STK17B: variants seen among roughly 807,000 people sequenced by gnomAD.
STK17B encodes serine/threonine kinase 17b.
In STK17B, 21 loss-of-function variants were observed where a neutral mutation model predicts 42.0. The observed-to-expected ratio is 0.50, with a 90% CI of 0.35 to 0.72. STK17B has a LOEUF of 0.72. Ranked by LOEUF, STK17B falls within the 30% of genes least tolerant of loss-of-function variation. STK17B has a pLI of 0.00. For synonymous variants in STK17B, 143 were observed against 148.4 expected, an observed-to-expected ratio of 0.96 and a Z score of 0.26; for missense variants, 349 against 446.0, an observed-to-expected ratio of 0.78 and a Z score of 1.96.
intron 1 of STK17B, among the ~76,000 whole-genome samples, 176 bp downstream of exon 1, chr2:196,171,157 G>A (rs952528353): frequency 6.6e-5 from 10 of 152,370 alleles, no homozygotes; most frequent in East Asian, 5.8e-4. Context: ...GCAAAGCGGA[G>A]AGGCGCCAGC....
chr2:196,146,534 A>G (rs1699578679), intron 3 of STK17B, among the ~76,000 whole-genome samples: 1 of 152,038 alleles, frequency 6.6e-6, no homozygotes, highest in Non-Finnish European at 1.5e-5. Flanking sequence ...ATAAGTGATG[A>G]GACTATTTCA....
rs1699370681 is a variant in STK17B at position 196,134,646 on chromosome 2, A to G, written c.*2801T>C. ...TTCACTGCTCAGAGCTAGGTTCTTT[A>G]CTGTAGGGAAAATAATTAAAATGAC... On this transcript the variant is annotated 3_prime_UTR_variant, in exon 8 of 8. Transcript: ENST00000263955. 6.6e-6 allele frequency: 1 copy of G among 152,182 alleles called. No homozygotes were observed. The highest frequency in any genetic ancestry group is 1.5e-5 in the Non-Finnish European group (1 of 68,028). 9.4% of individuals were successfully genotyped at this position (152,182 alleles called of 1,614,324 possible). A position where few individuals can be genotyped will look rare whatever the true frequency, so the allele number is the denominator to read the frequency against.
At chr2:196,147,162 T>C (rs1046545969) in intron 3 of STK17B, among the ~76,000 whole-genome samples, 3 of 152,210 alleles carry the variant, frequency 2.0e-5, no homozygotes, top group African/African-American at 7.2e-5. Context: ...AAAACATTTA[T>C]ACAGTTATTC....
At chr2:196,169,329 T>A (rs1294958585) in intron 1 of STK17B, among the ~76,000 whole-genome samples, 1 of 152,126 alleles carries the variant, frequency 6.6e-6, no homozygotes, top group Non-Finnish European at 1.5e-5. Flanking sequence ...CCTCCCAAAG[T>A]GCTGGGATTA....
Position 196,136,468 on chromosome 2 carries a change from G to A in STK17B, c.*979C>T, listed in dbSNP as rs1699407349. 1 of 152,556 alleles carries A rather than the reference G, an allele frequency of 6.6e-6. No homozygotes were observed. The allele number at this position is 152,556 out of a possible 1,614,324, so 9.5% of individuals were successfully genotyped here. A position where few individuals can be genotyped will look rare whatever the true frequency, so the allele number is the denominator to read the frequency against. ...TTGCTACCGCTGACTCGGGCACTGT[G>A]TTAATAGACCTACCGGTGCTGTAAT... On this transcript the variant is annotated 3_prime_UTR_variant, in exon 8 of 8. Coordinates refer to ENST00000263955, the MANE Select transcript of STK17B (RefSeq NM_004226.4).
At chr2:196,139,086 C>T (rs775565349) in intron 7 of STK17B, among the ~76,000 whole-genome samples, 12 of 152,132 alleles carry the variant, frequency 7.9e-5, no homozygotes, top group Non-Finnish European at 1.6e-4. Flanking sequence ...GCCTCAGCCT[C>T]CCAAGTAGCT....
intron 1 of STK17B, among the ~76,000 whole-genome samples, chr2:196,167,410 T>C (rs915164072): frequency 6.6e-6 from 1 of 152,232 alleles, no homozygotes; most frequent in African/African-American, 2.4e-5. Flanking sequence ...AAAGAATTTG[T>C]AGGTATATCT....
chr2:196,151,012 T>TGA (rs1165539820), intron 3 of STK17B, among the ~76,000 whole-genome samples: 1 of 152,230 alleles, frequency 6.6e-6, no homozygotes, highest in Non-Finnish European at 1.5e-5. Context: ...ATTTCTCTGG[T>TGA]GATTGAGATC....
chr2:196,141,848 T>C (rs1019253192), intron 5 of STK17B, among the ~76,000 whole-genome samples: 3 of 152,102 alleles, frequency 2.0e-5, no homozygotes, highest in African/African-American at 4.8e-5. Context: ...AGTGGCTAGG[T>C]AGTTAAACTC....
chr2:196,171,731 C>A (rs1054634759), upstream of STK17B, among the ~76,000 whole-genome samples: 9 of 144,154 alleles, frequency 6.2e-5, no homozygotes, highest in Non-Finnish European at 1.2e-4. Context: ...CGGGGCCCGG[C>A]GGTGAGAGGG....
chr2:196,157,621 T>C (rs770353147), intron 2 of STK17B, among the ~76,000 whole-genome samples: 11 of 152,212 alleles, frequency 7.2e-5, no homozygotes, highest in African/African-American at 1.2e-4. Context: ...TATTCAAAGA[T>C]ACTTCATGAT....
At chr2:196,155,359 C>G (rs182401784) in intron 3 of STK17B, among the ~76,000 whole-genome samples, 4 of 152,236 alleles carry the variant, frequency 2.6e-5, no homozygotes, top group African/African-American at 9.6e-5. Context: ...ACATAGTATT[C>G]ATTCTTAAAT....
intron 3 of STK17B, among the ~76,000 whole-genome samples, chr2:196,152,309 C>T (rs1476283837): frequency 1.3e-5 from 2 of 151,892 alleles, no homozygotes; most frequent in African/African-American, 4.8e-5. Context: ...GGGTTTCACC[C>T]TGTTAGCCAG....
At chr2:196,169,438 G>A (rs1224423280) in intron 1 of STK17B, among the ~76,000 whole-genome samples, 2 of 152,044 alleles carry the variant, frequency 1.3e-5, no homozygotes, top group African/African-American at 4.8e-5. Flanking sequence ...GCAATTTTAA[G>A]GCAATTTAAC....
At chr2:196,156,728 C>T (rs1699744890) in intron 2 of STK17B, 77 bp from the exon 3 acceptor site, 3 of 1,092,866 alleles carry the variant, frequency 2.7e-6, no homozygotes, top group Admixed American at 2.4e-5. Flanking sequence ...TCTGTTATAC[C>T]TCCAACTTAA....
intron 1 of STK17B, 100 bp downstream of exon 1, chr2:196,171,233 C>A (rs1699938603): frequency 6.6e-6 from 1 of 152,282 alleles, no homozygotes; most frequent in Non-Finnish European, 1.5e-5. Context: ...CCGCCTAAAC[C>A]CTCCTCGGGT....
At chr2:196,141,324 C>A in intron 5 of STK17B, 27 bp from the exon 6 acceptor site, 1 of 1,557,690 alleles carries the variant, frequency 6.4e-7, no homozygotes, top group South Asian at 1.1e-5. Context: ...AACTTAAATT[C>A]AATATTGACA....
At chr2:196,142,757 T>A (rs1055460830) in intron 5 of STK17B, among the ~76,000 whole-genome samples, 2 of 152,240 alleles carry the variant, frequency 1.3e-5, no homozygotes, top group African/African-American at 4.8e-5. Context: ...ATTCAAAAGT[T>A]AGTAATTTTC....
chr2:196,139,488 G>C, intron 7 of STK17B, 132 bp downstream of exon 7: 1 of 543,556 alleles, frequency 1.8e-6, no homozygotes, highest in Non-Finnish European at 2.7e-6. Context: ...ATTTTACCTA[G>C]AACTTGTACA....
Sources: allele counts gnomAD v4.1 joint callset (sites outside exome capture counted in the v4.1 genomes callset), GRCh38; gene constraint gnomAD v4.1.1; transcripts MANE v1.5; gene names NCBI Gene and HGNC (gene_info 2026-07-23, HGNC 2026-07-21).